The following SPOCK1 variants were observed in gnomAD, a reference collection of about 807,000 sequenced individuals.
SPOCK1 encodes SPARC (osteonectin), cwcv and kazal like domains proteoglycan 1, also known as testican-1.
SPOCK1 carries 23 observed loss-of-function variants against 55.3 expected under a neutral mutation model. That is an observed-to-expected ratio of 0.42 (90% CI 0.30 to 0.59). SPOCK1 has a LOEUF of 0.59. Ranked by LOEUF, SPOCK1 falls within the 20% of genes least tolerant of loss-of-function variation. SPOCK1 has a pLI of 0.22. For missense variants in SPOCK1, 499 were observed against 552.5 expected (o/e 0.90, Z 0.97); for synonymous variants, 226 against 221.0 (o/e 1.02, Z -0.20).
intron 3 of SPOCK1, among the ~76,000 whole-genome samples, chr5:137,181,236 A>T (rs2127064299): frequency 6.6e-6 from 1 of 152,288 alleles, no homozygotes; most frequent in East Asian, 1.9e-4. Context: ...GAGGCAGGAG[A>T]GGAAGGTGGA....
intron 3 of SPOCK1, among the ~76,000 whole-genome samples, chr5:137,183,217 C>T (rs1365215532): frequency 6.6e-6 from 1 of 152,112 alleles, no homozygotes; most frequent in Non-Finnish European, 1.5e-5. Context: ...GTACTCATCC[C>T]CAGTCACATT....
chr5:137,495,403 T>C (rs980081268), intron 2 of SPOCK1, among the ~76,000 whole-genome samples: 4 of 152,194 alleles, frequency 2.6e-5, no homozygotes, highest in Admixed American at 1.3e-4. Flanking sequence ...ATCAACTCTC[T>C]AAGAGCAGCC....
chr5:137,199,055 G>C (rs1755358560), intron 3 of SPOCK1, among the ~76,000 whole-genome samples: 1 of 152,178 alleles, frequency 6.6e-6, no homozygotes, highest in African/African-American at 2.4e-5. Context: ...TTTATGACTT[G>C]TGGATTCTAG....
chr5:137,035,937 G>A (rs1316442379), intron 6 of SPOCK1, among the ~76,000 whole-genome samples: 1 of 152,176 alleles, frequency 6.6e-6, no homozygotes, highest in Non-Finnish European at 1.5e-5. Flanking sequence ...GATTAACCAG[G>A]GATTGAGGCA....
At chr5:137,491,913 G>C (rs749770556) in intron 2 of SPOCK1, among the ~76,000 whole-genome samples, 2 of 152,140 alleles carry the variant, frequency 1.3e-5, no homozygotes, top group Non-Finnish European at 2.9e-5. Context: ...CTGCATAACA[G>C]TGCTATAGGA....
At chr5:137,051,025 T>C (rs2126997639) in intron 6 of SPOCK1, among the ~76,000 whole-genome samples, 1 of 152,320 alleles carries the variant, frequency 6.6e-6, no homozygotes, top group East Asian at 1.9e-4. Context: ...AATCTAAATA[T>C]CATTTCTTTA....
At chr5:137,148,333 T>G (rs1754245357) in intron 3 of SPOCK1, among the ~76,000 whole-genome samples, 1 of 152,172 alleles carries the variant, frequency 6.6e-6, no homozygotes, top group Non-Finnish European at 1.5e-5. Flanking sequence ...AATTTACATG[T>G]CCTGATCATT....
At chr5:137,064,547 T>C (rs1561596095) in intron 6 of SPOCK1, among the ~76,000 whole-genome samples, 1 of 152,204 alleles carries the variant, frequency 6.6e-6, no homozygotes, top group Non-Finnish European at 1.5e-5. Context: ...GCCCACTGCC[T>C]GCAGCTTCTG....
intron 2 of SPOCK1, among the ~76,000 whole-genome samples, chr5:137,391,344 G>A (rs1459799138): frequency 6.6e-6 from 1 of 152,088 alleles, no homozygotes; most frequent in Non-Finnish European, 1.5e-5. Flanking sequence ...ATTGTGAATA[G>A]TGCTGCAATA....
chr5:137,435,065 C>T (rs181519262), intron 2 of SPOCK1, among the ~76,000 whole-genome samples: 2 of 152,336 alleles, frequency 1.3e-5, no homozygotes, highest in East Asian at 3.9e-4. Flanking sequence ...AGCTTACATA[C>T]TTTTATCACA....
intron 4 of SPOCK1, among the ~76,000 whole-genome samples, chr5:137,131,864 CGGGAGGCTGAGGCAGG>C (rs1753885847): frequency 6.9e-6 from 1 of 145,870 alleles, no homozygotes; most frequent in African/African-American, 2.6e-5. Flanking sequence ...CCCAGCTACT[CGGGAGGCTGAGGCAGG>C]AGAATGGCGT....
chr5:137,120,358 C>T (rs533692091), intron 4 of SPOCK1, among the ~76,000 whole-genome samples: 30 of 152,262 alleles, frequency 2.0e-4, no homozygotes, highest in African/African-American at 7.2e-4. Flanking sequence ...TCAGGCCCAC[C>T]AGAAGGATAT....
At chr5:136,991,441 A>G (rs1165981660) in intron 7 of SPOCK1, among the ~76,000 whole-genome samples, 1 of 152,108 alleles carries the variant, frequency 6.6e-6, no homozygotes, top group African/African-American at 2.4e-5. Flanking sequence ...AATAACTAAA[A>G]ATTAAGAAGA....
intron 2 of SPOCK1, among the ~76,000 whole-genome samples, chr5:137,310,561 T>C (rs1757771936): frequency 6.6e-6 from 1 of 152,234 alleles, no homozygotes; most frequent in East Asian, 1.9e-4. Flanking sequence ...CTGGCCTCTG[T>C]GGAACTTGCT....
chr5:137,298,579 GA>G (rs1245414890), intron 2 of SPOCK1, among the ~76,000 whole-genome samples: 2 of 152,174 alleles, frequency 1.3e-5, no homozygotes, highest in Non-Finnish European at 2.9e-5. Context: ...ATCAATTGCT[GA>G]GAGAGGAGTG....
At chr5:137,124,105 C>A (rs1753735279) in intron 4 of SPOCK1, among the ~76,000 whole-genome samples, 1 of 152,132 alleles carries the variant, frequency 6.6e-6, no homozygotes, top group African/African-American at 2.4e-5. Context: ...AACAAGCCAA[C>A]TTTCCACGTA....
chr5:137,010,060 C>G (rs1465887065), intron 6 of SPOCK1, among the ~76,000 whole-genome samples: 1 of 152,132 alleles, frequency 6.6e-6, no homozygotes, highest in Non-Finnish European at 1.5e-5. Context: ...CTACCTCCCC[C>G]TCCTTGGGGT....
chr5:137,232,188 A>T (rs972968228), intron 3 of SPOCK1, among the ~76,000 whole-genome samples: 5 of 152,098 alleles, frequency 3.3e-5, no homozygotes, highest in African/African-American at 7.2e-5. Context: ...TTTTTTAAAA[A>T]TTTTTTAATA....
At chr5:137,184,921 TCAGAGATGCCA>T (rs758161870) in intron 3 of SPOCK1, among the ~76,000 whole-genome samples, 4 of 152,138 alleles carry the variant, frequency 2.6e-5, no homozygotes, top group Non-Finnish European at 2.9e-5. Context: ...TGTCCCCGCC[TCAGAGATGCCA>T]CTCCTCACCA....
Sources: gnomAD v4.1 joint callset for allele counts (sites outside exome capture counted in the v4.1 genomes callset) on GRCh38, gnomAD v4.1.1 for gene constraint, MANE v1.5 for transcripts, NCBI Gene and HGNC (gene_info 2026-07-23, HGNC 2026-07-21) for gene names.